TACC2: variants seen among roughly 807,000 people sequenced by gnomAD.
The protein encoded by TACC2 is transforming acidic coiled-coil-containing protein 2.
A neutral mutation model predicts 227.3 loss-of-function variants in TACC2; 137 were observed. The ratio of observed to expected loss-of-function variants is 0.60; its 90% CI spans 0.52 to 0.69. The LOEUF is 0.69. Ranked by LOEUF, TACC2 falls within the 30% of genes least tolerant of loss-of-function variation. TACC2 has a pLI of 0.00. For synonymous variants in TACC2, 1,523 were observed against 1,487.5 expected (o/e 1.02, Z -0.55); for missense variants, 3,470 against 3,694.4 (o/e 0.94, Z 1.57).
At chr10:122,228,755 T>C (rs1226731758) in intron 14 of TACC2, among the ~76,000 whole-genome samples, 1 of 152,098 alleles carries the variant, frequency 6.6e-6, no homozygotes, top group Non-Finnish European at 1.5e-5. Flanking sequence ...TGTTTGGCAG[T>C]TGGATGCTGG....
chr10:122,051,002 A>T (rs1032173001), intron 3 of TACC2: 1 of 161,870 alleles, frequency 6.2e-6, no homozygotes, highest in African/African-American at 2.4e-5. Flanking sequence ...AGGCTGGTGG[A>T]TGAATCCCAG....
chr10:122,174,456 C>T (rs751924886), intron 7 of TACC2, among the ~76,000 whole-genome samples: 7 of 152,128 alleles, frequency 4.6e-5, no homozygotes, highest in African/African-American at 7.2e-5. Flanking sequence ...TTTATGATGT[C>T]GGTGAAATGG....
In TACC2 at chr10:122,084,652, T is replaced by C. The variant is rs370133969; in HGVS notation, c.2152T>C (p.Ser718Pro). The C allele has an allele frequency of 6.2e-7, 1 of 1,613,714 alleles. No individual in the cohort carries two copies. The highest frequency in any genetic ancestry group is 8.5e-7 in the Non-Finnish European group (1 of 1,180,036). Residue 718 changes from serine to proline, a missense_variant, in exon 4 of 23, where the codon TCA becomes CCA. By Grantham distance (74) the Ser-to-Pro change is moderately conservative. Coordinates refer to ENST00000369005, the MANE Select transcript of TACC2 (RefSeq NM_206862.4). ...AATGGAGTCTTTCCTGACTTTAGAA[T>C]CAGAGAAATCAGATTTTCCACCAAC... The part of the protein sequence containing the change: ...GRMESFLTLE[S>P]EKSDFPPTPV...
Position 122,050,691 on chromosome 10 carries a change from A to C in TACC2, c.146+141A>C. On this transcript the variant is annotated intron_variant, in intron 3 of 22. Transcript: ENST00000369005. The surrounding 1 kb of genome is among the most constrained non-coding windows in gnomAD (Gnocchi z 4.6). ...TCGTCCTCAGTGGTGAGATGTTCCA[A>C]GCAGTGGTTCACAGACCTCTCTGTG... The C allele has an allele frequency of 1.5e-6, 1 of 653,816 alleles. No individual in the cohort carries two copies. The highest frequency in any genetic ancestry group is 2.7e-6 in the Non-Finnish European group (1 of 372,948). The allele number at this position is 653,816 out of a possible 1,614,324, so 40.5% of individuals were successfully genotyped here. A position where few individuals can be genotyped will look rare whatever the true frequency, so the allele number is the denominator to read the frequency against.
chr10:122,210,497 C>T lies in TACC2; in HGVS notation c.6072C>T (p.Phe2024=), dbSNP rs748916908. ...RPPSHSFSAV[F]DEDKPIASSG... Reference sequence around the variant, plus strand: ...CGTCACACTCCTTCTCTGCCGTCTTCGATGAAGACAAGCCGATAGCCAGCA... The same window carrying T: ...CGTCACACTCCTTCTCTGCCGTCTTTGATGAAGACAAGCCGATAGCCAGCA... Residue 2024 remains phenylalanine, a synonymous_variant, in exon 9 of 23, where the codon TTC becomes TTT. Transcript: ENST00000369005. This position sits in a 1 kb window ranked among gnomAD's most constrained non-coding sequence, Gnocchi z 4.6. 3.2e-5 allele frequency: 52 copies of T among 1,613,572 alleles called. No individual in the cohort carries two copies. The highest frequency in any genetic ancestry group is 1.7e-4 in the Middle Eastern group (1 of 5,906).
intron 1 of TACC2, among the ~76,000 whole-genome samples, chr10:122,001,680 A>T (rs555871125): frequency 6.6e-6 from 1 of 152,346 alleles, no homozygotes; most frequent in African/African-American, 2.4e-5. Context: ...TCATTTTTTA[A>T]ACTTTTGATT....
chr10:122,084,938 G>A lies in TACC2; in HGVS notation c.2438G>A (p.Trp813Ter). The A allele has an allele frequency of 6.2e-7, 1 of 1,614,166 alleles. No individual in the cohort carries two copies. The highest frequency in any genetic ancestry group is 8.5e-7 in the Non-Finnish European group (1 of 1,180,034). Residue 813 changes from tryptophan (W) to a stop codon, truncating the protein, a stop_gained, in exon 4 of 23, where the codon TGG becomes TAG. Transcript: ENST00000369005. LOFTEE classifies it high-confidence loss of function. ...ATCCCATCCTGCCCAGGGGAAGGCTGGATAAGAGGAGCTGCATCCGAGTGG... is the reference window on the plus strand; with the variant it reads ...ATCCCATCCTGCCCAGGGGAAGGCTAGATAAGAGGAGCTGCATCCGAGTGG... ...QGIPSCPGEG[W>*]IRGAASEWPL...
At chr10:122,218,684 G>T (rs530309885) in intron 11 of TACC2, among the ~76,000 whole-genome samples, 5 of 152,148 alleles carry the variant, frequency 3.3e-5, no homozygotes, top group Non-Finnish European at 7.4e-5. Context: ...TTGGCTGTCA[G>T]GTTGGCCCTC....
Position 122,086,105 on chromosome 10 carries a change from G to A in TACC2, c.3605G>A (p.Gly1202Glu). The A allele has an allele frequency of 6.2e-7, 1 of 1,613,572 alleles. No homozygotes were observed. Among genetic ancestry groups the A allele is most frequent in the South Asian group, 1.1e-5 (1 of 91,082 alleles). Residue 1202 changes from glycine to glutamate, a missense_variant, in exon 4 of 23, where the codon GGG becomes GAG. Coordinates refer to ENST00000369005, the MANE Select transcript of TACC2 (RefSeq NM_206862.4). ...DALLPARELG[G>E]IPRSTMDFST... ...TTGCTGCCAGCCAGAGAGCTGGGTG[G>A]GATTCCCAGGAGCACCATGGATTTT...
chr10:122,240,676 A>C (rs913559103), intron 18 of TACC2, among the ~76,000 whole-genome samples: 1 of 152,002 alleles, frequency 6.6e-6, no homozygotes, highest in Non-Finnish European at 1.5e-5. Context: ...GGGGGTCTCT[A>C]TGGTTTTCTG....
intron 5 of TACC2, among the ~76,000 whole-genome samples, chr10:122,128,057 G>A (rs147670381): frequency 8.3e-4 from 127 of 152,166 alleles, no homozygotes; most frequent in African/African-American, 3.0e-3. Context: ...AAGGTGGCAG[G>A]GGGAGGCAGG....
chr10:122,035,348 G>A (rs1192427671), intron 2 of TACC2, among the ~76,000 whole-genome samples: 1 of 152,192 alleles, frequency 6.6e-6, no homozygotes, highest in African/African-American at 2.4e-5. Context: ...CCTGCTGTCT[G>A]GAACTTACAG....
chr10:122,062,103 G>C (rs1396159230), intron 3 of TACC2, among the ~76,000 whole-genome samples: 2 of 125,462 alleles, frequency 1.6e-5, no homozygotes, highest in Admixed American at 1.0e-4. Context: ...CACCATCTCC[G>C]CTCACTGCAA....
intron 6 of TACC2, among the ~76,000 whole-genome samples, chr10:122,139,608 G>A (rs1006290943): frequency 6.6e-6 from 1 of 152,186 alleles, no homozygotes; most frequent in African/African-American, 2.4e-5. Flanking sequence ...CAATTTCACA[G>A]CACTTTCCTT....
At chr10:122,042,192 A>G (rs916760473) in intron 2 of TACC2, among the ~76,000 whole-genome samples, 6 of 151,660 alleles carry the variant, frequency 4.0e-5, no homozygotes, top group African/African-American at 1.5e-4. Flanking sequence ...TGATCTGCCC[A>G]TCTCAGCCTT....
Position 122,211,718 on chromosome 10 carries a change from G to A in TACC2, c.7283+10G>A, listed in dbSNP as rs972979138. The A allele has an allele frequency of 6.5e-7, 1 of 1,534,078 alleles. No homozygotes were observed. Among genetic ancestry groups the A allele is most frequent in the African/African-American group, 1.4e-5 (1 of 71,896 alleles). The stretch of plus-strand genomic sequence containing the variant: ...AGACGCCCCTAAAGACGTAAGTTCA[G>A]GGGTGGAGGTGGTAAGGATCAGAGG... On this transcript the variant is annotated intron_variant, in intron 9 of 22. Coordinates refer to ENST00000369005, the MANE Select transcript of TACC2 (RefSeq NM_206862.4).
intron 5 of TACC2, among the ~76,000 whole-genome samples, chr10:122,122,190 C>G (rs2085952755): frequency 6.6e-6 from 1 of 152,124 alleles, no homozygotes; most frequent in Non-Finnish European, 1.5e-5. Flanking sequence ...TCCGTCTCTA[C>G]TAAAAATACA....
intron 1 of TACC2, among the ~76,000 whole-genome samples, chr10:122,004,110 G>A (rs1370717914): frequency 2.0e-5 from 3 of 152,026 alleles, no homozygotes; most frequent in African/African-American, 7.2e-5. Flanking sequence ...AGATGTAGGT[G>A]TAGTTGGCCA....
At chr10:122,132,119 G>A (rs1369013348) in intron 5 of TACC2, among the ~76,000 whole-genome samples, 1 of 151,954 alleles carries the variant, frequency 6.6e-6, no homozygotes, top group Non-Finnish European at 1.5e-5. Flanking sequence ...ACTTACTTGA[G>A]GTTTCTGTAC....
Sources: gnomAD v4.1 joint callset for allele counts (sites outside exome capture counted in the v4.1 genomes callset) on GRCh38, gnomAD v4.1.1 for gene constraint, Gnocchi (gnomAD v3.1) non-coding constraint, MANE v1.5 for transcripts, NCBI Gene and HGNC (gene_info 2026-07-23, HGNC 2026-07-21) for gene names.